The following HRNR variants were observed in gnomAD, a reference collection of about 807,000 sequenced individuals.
HRNR encodes hornerin.
A neutral mutation model predicts 4.8 loss-of-function variants in HRNR; 7 were observed. The observed-to-expected ratio is 1.47, with a 90% CI of 0.83 to 2.75. The LOEUF is 2.75. Among genes scored for constraint, HRNR ranks in the 30% most tolerant of loss-of-function variants. The pLI, the probability that HRNR is intolerant of heterozygous loss-of-function variation, is 0.00. For synonymous variants in HRNR, 1,023 were observed against 1,242.7 expected (o/e 0.82, Z 3.72); for missense variants, 2,879 against 3,010.4 (o/e 0.96, Z 1.02).
chr1:152,219,424 C>G lies in HRNR; in HGVS notation c.2205G>C (p.Gln735His). The G allele has an allele frequency of 6.2e-7, 1 of 1,614,108 alleles. No individual in the cohort carries two copies. Among genetic ancestry groups the G allele is most frequent in the Non-Finnish European group, 8.5e-7 (1 of 1,180,032 alleles). ...ATCCGTGTTGTTCACTCCTAGATGA[C>G]TGTCCTGACCTAGAGCCGTGTTTTC... ...GYRKHGSRSG[Q>H]SSRSEQHGSS... The change falls in exon 3 of 3, where the codon CAG becomes CAC. Residue 735 changes from glutamine to histidine, a missense_variant. Physicochemically the swap from Gln to His is conservative, Grantham distance 24 (BLOSUM62 0). Around this residue, in one of 8 missense-constraint regions of HRNR, gnomAD observed 2,646 missense variants for 1,377.7 expected, o/e 1.92. Transcript: ENST00000368801.
chr1:152,218,701 G>C lies in HRNR; in HGVS notation c.2928C>G (p.Ser976Arg), dbSNP rs149091528. 1.2e-6 allele frequency: 2 copies of C among 1,613,942 alleles called. No individual in the cohort carries two copies. Among genetic ancestry groups the C allele is most frequent in the Non-Finnish European group, 1.7e-6 (2 of 1,180,004 alleles). The change falls in exon 3 of 3, where the codon AGC becomes AGG. Residue 976 changes from serine to arginine, a missense_variant. Coordinates refer to ENST00000368801, the MANE Select transcript of HRNR (RefSeq NM_001009931.3). Reference protein sequence around the residue: ...QSSRSEQHGSSSGSSSSYGQH... With the variant: ...QSSRSEQHGSRSGSSSSYGQH... ...GACCATAGCTGGAAGACGAACCTGA[G>C]CTAGATCCATGTTGTTCGCTCCTAG... is the stretch of plus-strand genomic sequence containing the variant.
chr1:152,219,703 G>T lies in HRNR; in HGVS notation c.1926C>A (p.Gly642=). The T allele has an allele frequency of 6.2e-7, 1 of 1,613,482 alleles. No homozygotes were observed. Residue 642 remains glycine (G), a synonymous_variant, in exon 3 of 3, where the codon GGC becomes GGA. Coordinates refer to ENST00000368801, the MANE Select transcript of HRNR (RefSeq NM_001009931.3). ...GGCCATAGCGAGAAGACTGACTTGAGCCAGAGCCATGCTGACCGTGGCTGG... is the reference window on the plus strand; with the variant it reads ...GGCCATAGCGAGAAGACTGACTTGATCCAGAGCCATGCTGACCGTGGCTGG... ...QSSSHGQHGS[G]SSQSSRYGQQ...
At position 152,213,044 on chromosome 1, in the gene HRNR, C is replaced by G. The variant is rs772247470; in HGVS notation, c.*32G>C. The G allele has an allele frequency of 1.3e-6, 2 of 1,582,488 alleles. No individual in the cohort carries two copies. The highest frequency in any genetic ancestry group is 1.7e-6 in the Non-Finnish European group (2 of 1,164,962). ...GATGACTTTCCTATTTCTTAAATTG[C>G]TACTTGAGTAAATTGCATTTATGTT... On this transcript the variant is annotated 3_prime_UTR_variant, in exon 3 of 3. Transcript: ENST00000368801.
rs1648826679 is a variant in HRNR, at chr1:152,219,208, A to C, written c.2421T>G (p.Tyr807Ter). 6.2e-7 allele frequency: 1 copy of C among 1,613,752 alleles called. No homozygotes were observed. Among genetic ancestry groups the C allele is most frequent in the Non-Finnish European group, 8.5e-7 (1 of 1,179,900 alleles). The change falls in exon 3 of 3, where the codon TAT (tyrosine) becomes TAG (stop). Residue 807 changes from tyrosine (Y) to a stop codon, truncating the protein, a stop_gained. Coordinates refer to ENST00000368801, the MANE Select transcript of HRNR (RefSeq NM_001009931.3). LOFTEE classifies it low-confidence loss of function (END_TRUNC). ...GTSCSSSCGH[Y>*]ESGSGQASGF... ...CAGAAGCCTGGCCTGAGCCAGACTC[A>C]TAATGGCCACAGCTGGAAGAACAAC...
rs377683482 is a variant in HRNR at position 152,219,419 on chromosome 1, G to A, written c.2210C>T (p.Ser737Phe). Reference protein sequence around the residue: ...RKHGSRSGQSSRSEQHGSSSG... With the variant: ...RKHGSRSGQSFRSEQHGSSSG... ...GCTAGATCCGTGTTGTTCACTCCTA[G>A]ATGACTGTCCTGACCTAGAGCCGTG... The change falls in exon 3 of 3, where the codon TCT becomes TTT. Residue 737 changes from serine (S) to phenylalanine (F), a missense_variant. Ser to Phe is a radical substitution (Grantham distance 155, BLOSUM62 -2). Around this residue, in one of 8 missense-constraint regions of HRNR, gnomAD observed 2,646 missense variants for 1,377.7 expected, o/e 1.92. Coordinates refer to ENST00000368801, the MANE Select transcript of HRNR (RefSeq NM_001009931.3). The A allele has an allele frequency of 2.0e-5, 32 of 1,614,006 alleles. No individual in the cohort carries two copies. In the African/African-American group the frequency reaches 3.7e-4, roughly 19 times the overall value.
Position 152,220,217 on chromosome 1 carries a change from C to G in HRNR, c.1412G>C (p.Ser471Thr). 7 of 1,613,796 alleles carry G rather than the reference C, an allele frequency of 4.3e-6. No individual in the cohort carries two copies. Among genetic ancestry groups the G allele is most frequent in the African/African-American group, 1.3e-5 (1 of 74,964 alleles). Residue 471 changes from serine to threonine, a missense_variant, in exon 3 of 3, where the codon AGC becomes ACC. This residue lies in a region of HRNR where 2,646 missense variants were observed against 1,377.7 expected (regional missense o/e 1.92). Transcript: ENST00000368801. ...YSSGFGHHES[S>T]SEHSSGYTQH... ...AGTGTAACCAGAGGAATGCTCTGAG[C>G]TAGACTCGTGGTGACCAAAGCCAGA...
In HRNR at chr1:152,220,035, G is replaced by C. The variant is rs768490138; in HGVS notation, c.1594C>G (p.Arg532Gly). The C allele has an allele frequency of 9.3e-6, 15 of 1,613,956 alleles. No homozygotes were observed. Among genetic ancestry groups the C allele is most frequent in the Non-Finnish European group, 1.2e-5 (14 of 1,180,034 alleles). ...GACTGGCCAGATCCAGACCCATGTC[G>C]GCTGTGTCCCAAAGATTGACGGGAG... Reference protein sequence around the residue: ...SGSRQSLGHSRHGSGSGQSPS... With the variant: ...SGSRQSLGHSGHGSGSGQSPS... The change falls in exon 3 of 3, where the codon CGA becomes GGA. Residue 532 changes from arginine (R) to glycine (G), a missense_variant. Around this residue, in one of 8 missense-constraint regions of HRNR, gnomAD observed 2,646 missense variants for 1,377.7 expected, o/e 1.92. Coordinates refer to ENST00000368801, the MANE Select transcript of HRNR (RefSeq NM_001009931.3).
chr1:152,220,806 A>G lies in HRNR; in HGVS notation c.823T>C (p.Ser275Pro). The change falls in exon 3 of 3, where the codon TCT (serine) becomes CCT (proline). Residue 275 changes from serine (S) to proline (P), a missense_variant. Transcript: ENST00000368801. The stretch of plus-strand genomic sequence containing the variant: ...TAGCTGGAAGACGAACCTGAGCTAG[A>G]TCTGTGTCGTTCACCCCTAGATGAC... ...GQSSRGERHR[S>P]SSGSSSSYGQ... The G allele has an allele frequency of 6.2e-7, 1 of 1,613,884 alleles. No homozygotes were observed. Among genetic ancestry groups the G allele is most frequent in the Non-Finnish European group, 8.5e-7 (1 of 1,179,938 alleles).
In HRNR at chr1:152,220,220, G is replaced by T. The variant is rs200420332; in HGVS notation, c.1409C>A (p.Ser470Tyr). ...GYSSGFGHHESSSEHSSGYTQ... is the reference protein window; with the variant it reads ...GYSSGFGHHEYSSEHSSGYTQ... Reference sequence around the variant, plus strand: ...GTAACCAGAGGAATGCTCTGAGCTAGACTCGTGGTGACCAAAGCCAGAAGA... The same window carrying T: ...GTAACCAGAGGAATGCTCTGAGCTATACTCGTGGTGACCAAAGCCAGAAGA... The change falls in exon 3 of 3, where the codon TCT becomes TAT. Residue 470 changes from serine (S) to tyrosine (Y), a missense_variant. Ser to Tyr is a moderately radical substitution (Grantham distance 144). This residue lies in a region of HRNR where 2,646 missense variants were observed against 1,377.7 expected (regional missense o/e 1.92). Coordinates refer to ENST00000368801, the MANE Select transcript of HRNR (RefSeq NM_001009931.3). The T allele has an allele frequency of 6.2e-7, 1 of 1,613,922 alleles. No homozygotes were observed. The highest frequency in any genetic ancestry group is 8.5e-7 in the Non-Finnish European group (1 of 1,179,854).
At position 152,220,544 on chromosome 1, in the gene HRNR, C is replaced by T. The variant is rs1475913353; in HGVS notation, c.1085G>A (p.Ser362Asn). Residue 362 changes from serine to asparagine, a missense_variant, in exon 3 of 3, where the codon AGT becomes AAT. This residue lies in a region of HRNR where 2,646 missense variants were observed against 1,377.7 expected (regional missense o/e 1.92). Transcript: ENST00000368801. ...ESGSGQSSGYSKHGSGSGHSS... is the reference protein window; with the variant it reads ...ESGSGQSSGYNKHGSGSGHSS... ...GTGACCTGAGCCAGAACCATGCTTA[C>T]TATAGCCAGAGGACTGTCCTGAGCC... The T allele has an allele frequency of 6.2e-7, 1 of 1,611,596 alleles. No individual in the cohort carries two copies. The highest frequency in any genetic ancestry group is 1.7e-5 in the Admixed American group (1 of 59,910).
Position 152,223,205 on chromosome 1 carries a change from G to T in HRNR, c.49C>A (p.Gln17Lys). The T allele has an allele frequency of 6.2e-7, 1 of 1,613,442 alleles. No homozygotes were observed. Among genetic ancestry groups the T allele is most frequent in the Non-Finnish European group, 8.5e-7 (1 of 1,179,644 alleles). Residue 17 changes from glutamine (Q) to lysine (K), a missense_variant, in exon 2 of 3, where the codon CAA becomes AAA. This residue lies in a region of HRNR where 2,646 missense variants were observed against 1,377.7 expected (regional missense o/e 1.92). Coordinates refer to ENST00000368801, the MANE Select transcript of HRNR (RefSeq NM_001009931.3). Reference sequence around the variant, plus strand: ...TACTCCCCATGCTGGGTGGCATATTGGTAGAAAACATCGATGACAGTGATG... The same window carrying T: ...TACTCCCCATGCTGGGTGGCATATTTGTAGAAAACATCGATGACAGTGATG... ...GVITVIDVFY[Q>K]YATQHGEYDT...
In HRNR at chr1:152,219,491, T is replaced by C; in HGVS notation, c.2138A>G (p.Tyr713Cys). 1 of 1,613,598 alleles carries C rather than the reference T, an allele frequency of 6.2e-7. No individual in the cohort carries two copies. ...ACTTGAGCCAGATCCATGCTGACTG[T>C]AACCAGAGGACTGCCCTGAGCCAGA... ...HKSGSGQSSG[Y>C]SQHGSGSSHS... Residue 713 changes from tyrosine (Y) to cysteine (C), a missense_variant, in exon 3 of 3, where the codon TAC becomes TGC. Physicochemically the swap from Tyr to Cys is radical, Grantham distance 194 (BLOSUM62 -2). Coordinates refer to ENST00000368801, the MANE Select transcript of HRNR (RefSeq NM_001009931.3).
chr1:152,222,677 A>G (rs1485291512), intron 2 of HRNR, among the ~76,000 whole-genome samples: 2 of 152,232 alleles, frequency 1.3e-5, no homozygotes, highest in African/African-American at 2.4e-5. Flanking sequence ...AAATCCACAG[A>G]AATCCAAATT....
rs182032057 is a variant in HRNR at position 152,218,836 on chromosome 1, G to A, written c.2793C>T (p.Gly931=). The A allele has an allele frequency of 2.5e-6, 4 of 1,613,646 alleles. No individual in the cohort carries two copies. The highest frequency in any genetic ancestry group is 1.6e-4 in the Middle Eastern group (1 of 6,084). ...GCCCTGAGCTAGACTTGTGACCAAA[G>A]CCAGAAGACTGGCCTGAGCCAGACC... is the stretch of plus-strand genomic sequence containing the variant. ...RHGSGSGQSS[G]FGHKSSSGQS... The change falls in exon 3 of 3, where the codon GGC becomes GGT. Residue 931 remains glycine, a synonymous_variant. Coordinates refer to ENST00000368801, the MANE Select transcript of HRNR (RefSeq NM_001009931.3).
chr1:152,222,995 C>G (rs1156311007), intron 2 of HRNR, 121 bp downstream of exon 2: 5 of 1,018,062 alleles, frequency 4.9e-6, no homozygotes, highest in Non-Finnish European at 7.3e-6. Context: ...TTTTACCAAA[C>G]CCTGTTCTCT....
At position 152,218,397 on chromosome 1, in the gene HRNR, G is replaced by A. The variant is rs141950802; in HGVS notation, c.3232C>T (p.Gln1078Ter). 3.3e-3 allele frequency: 5,360 copies of A among 1,613,154 alleles called. 31 individuals carry two copies. The highest frequency in any genetic ancestry group is 9.1e-3 in the Middle Eastern group (55 of 6,056). ...SSSGHSSTHGQHGSTSGQSSS... is the reference protein window; with the variant it reads ...SSSGHSSTHG The stretch of plus-strand genomic sequence containing the variant: ...GACTGTCCTGATGTAGAACCGTGTT[G>A]CCCATGGGTAGAGGAATGACCTGAG... Residue 1078 changes from glutamine to a stop codon, truncating the protein, a stop_gained, in exon 3 of 3, where the codon CAA (glutamine) becomes TAA (stop). Transcript: ENST00000368801. LOFTEE classifies it low-confidence loss of function (END_TRUNC).
Position 152,219,530 on chromosome 1 carries a change from C to T in HRNR, c.2099G>A (p.Gly700Asp), listed in dbSNP as rs752444591. Residue 700 changes from glycine to aspartate, a missense_variant, in exon 3 of 3, where the codon GGC (glycine) becomes GAC (aspartate). Coordinates refer to ENST00000368801, the MANE Select transcript of HRNR (RefSeq NM_001009931.3). Reference protein sequence around the residue: ...PHGSVSGQSSGFGHKSGSGQS... With the variant: ...PHGSVSGQSSDFGHKSGSGQS... The stretch of plus-strand genomic sequence containing the variant: ...CCCTGAGCCAGACTTGTGACCAAAG[C>T]CGGAAGACTGGCCTGAGACAGACCC... 1 of 1,613,886 alleles carries T rather than the reference C, an allele frequency of 6.2e-7. No individual in the cohort carries two copies. Among genetic ancestry groups the T allele is most frequent in the South Asian group, 1.1e-5 (1 of 91,066 alleles).
In HRNR at chr1:152,213,039, AATTGCT is replaced by A; in HGVS notation, c.*31_*36del. On this transcript the variant is annotated 3_prime_UTR_variant, in exon 3 of 3. Transcript: ENST00000368801. ...TCATAGATGACTTTCCTATTTCTTA[AATTGCT>A]ACTTGAGTAAATTGCATTTATGTTT... 6.3e-7 allele frequency: 1 copy of A among 1,577,796 alleles called. No homozygotes were observed. Among genetic ancestry groups the A allele is most frequent in the Admixed American group, 1.8e-5 (1 of 54,734 alleles).
Position 152,222,638 on chromosome 1 carries a change from T to G in HRNR, c.138+478A>C, listed in dbSNP as rs527997657. 2.0e-5 allele frequency among the ~76,000 whole-genome samples: 3 copies of G among 152,346 alleles called. No homozygotes were observed. In the East Asian group the frequency reaches 5.8e-4, roughly 29 times the overall value. ...ATTCATAGCTGACACACTGAATATC[T>G]GACATCTGATATCTGAATATCATAT... On this transcript the variant is annotated intron_variant, in intron 2 of 2. Coordinates refer to ENST00000368801, the MANE Select transcript of HRNR (RefSeq NM_001009931.3).
Sources: allele counts gnomAD v4.1 joint callset (sites outside exome capture counted in the v4.1 genomes callset), GRCh38; gene constraint gnomAD v4.1.1; regional missense constraint gnomAD v4.1.1; transcripts MANE v1.5; gene names NCBI Gene and HGNC (gene_info 2026-07-23, HGNC 2026-07-21).